Variants in PLRG1 observed in about 807,000 individuals in gnomAD.
The protein encoded by PLRG1 is pleiotropic regulator 1 (PRL1 homolog, Arabidopsis).
In PLRG1, 28 loss-of-function variants were observed where a neutral mutation model predicts 74.9. The observed-to-expected ratio is 0.37, with a 90% confidence interval of 0.28 to 0.51. The LOEUF (loss-of-function observed/expected upper bound fraction) is 0.51, where lower values mean the gene tolerates loss of function less well. Among genes scored for constraint, PLRG1 ranks in the 20% least tolerant of loss-of-function variants. The pLI, the probability that PLRG1 is intolerant of heterozygous loss-of-function variation, is 0.91. For missense variants in PLRG1, 445 were observed against 631.9 expected (o/e 0.70, Z 3.17); for synonymous variants, 197 against 212.4 (o/e 0.93, Z 0.63).
In PLRG1 at chr4:154,536,481, A is replaced by G. The variant is rs1289025504; in HGVS notation, c.*204T>C. On this transcript the variant is annotated 3_prime_UTR_variant, in exon 15 of 15. Transcript: ENST00000499023. ...GATATCTGCATCTTCCTAGTATCAC[A>G]AATTGTTTTAGAAATAAAAACACAG... is the stretch of plus-strand genomic sequence containing the variant. 1.9e-6 allele frequency: 1 copy of G among 520,228 alleles called. No individual in the cohort carries two copies. Among genetic ancestry groups the G allele is most frequent in the Non-Finnish European group, 3.4e-6 (1 of 297,006 alleles). 32.2% of individuals were successfully genotyped at this position (520,228 alleles called of 1,614,324 possible).
chr4:154,542,520 C>CT (rs1481393353), intron 7 of PLRG1, among the ~76,000 whole-genome samples: 1 of 152,288 alleles, frequency 6.6e-6, no homozygotes, highest in East Asian at 1.9e-4. Context: ...CTTGCAACAA[C>CT]TTCAATGACT....
intron 12 of PLRG1, 86 bp from the exon 13 acceptor site, chr4:154,538,194 T>G: frequency 1.6e-6 from 1 of 618,292 alleles, no homozygotes; most frequent in Non-Finnish European, 2.7e-6. Flanking sequence ...TCAGTTATAT[T>G]TTGCAGTGTG....
chr4:154,549,997 C>T (rs28501308), intron 1 of PLRG1, among the ~76,000 whole-genome samples: 2,891 of 152,286 alleles, frequency 0.019, 92 homozygotes, highest in African/African-American at 0.066. Context: ...GCGGCAAGTA[C>T]CAGTGGTCGA....
chr4:154,547,624 G>T, intron 3 of PLRG1, 87 bp downstream of exon 3: 2 of 1,245,526 alleles, frequency 1.6e-6, no homozygotes, highest in Non-Finnish European at 2.3e-6. Context: ...AATAAGTCCT[G>T]CCAGGAGGGG....
intron 6 of PLRG1, among the ~76,000 whole-genome samples, chr4:154,544,867 G>A (rs1003912706): frequency 6.6e-6 from 1 of 152,036 alleles, no homozygotes; most frequent in Non-Finnish European, 1.5e-5. Flanking sequence ...TATTTCATAG[G>A]GTTACTACAA....
chr4:154,538,197 G>A, intron 12 of PLRG1, 89 bp from the exon 13 acceptor site: 1 of 595,164 alleles, frequency 1.7e-6, no homozygotes, highest in Non-Finnish European at 2.8e-6. Context: ...GTTATATTTT[G>A]CAGTGTGTAC....
chr4:154,540,381 G>C, intron 10 of PLRG1: 1 of 587,212 alleles, frequency 1.7e-6, no homozygotes, highest in Admixed American at 3.2e-5. Context: ...CATTTCAGGG[G>C]CAGGGCACTA....
At position 154,536,578 on chromosome 4, in the gene PLRG1, T is replaced by C; in HGVS notation, c.*107A>G. 1 of 668,760 alleles carries C rather than the reference T, an allele frequency of 1.5e-6. No homozygotes were observed. The highest frequency in any genetic ancestry group is 2.6e-6 in the Non-Finnish European group (1 of 377,536). 41.4% of individuals were successfully genotyped at this position (668,760 alleles called of 1,614,324 possible). ...GATTGAAGCAAGTGAATTTCTCCTT[T>C]ATATTCCCAGCCAGAGCACAAAATG... On this transcript the variant is annotated 3_prime_UTR_variant, in exon 15 of 15. Coordinates refer to ENST00000499023, the MANE Select transcript of PLRG1 (RefSeq NM_002669.4).
At chr4:154,543,889 T>C (rs1020252783) in intron 7 of PLRG1, 2 of 152,266 alleles carry the variant, frequency 1.3e-5, no homozygotes, top group East Asian at 1.9e-4. Context: ...AATGTATTTA[T>C]GGAGTACATG....
chr4:154,548,218 T>C (rs1578772391), intron 2 of PLRG1, among the ~76,000 whole-genome samples: 1 of 152,308 alleles, frequency 6.6e-6, no homozygotes, highest in Admixed American at 6.5e-5. Flanking sequence ...TAGCAACCTT[T>C]ACTAGATGTA....
intron 6 of PLRG1, among the ~76,000 whole-genome samples, chr4:154,545,094 T>A (rs1268578296): frequency 6.6e-6 from 1 of 152,196 alleles, no homozygotes; most frequent in East Asian, 1.9e-4. Flanking sequence ...AGTCATCTAG[T>A]CATCCAAAAC....
Position 154,536,462 on chromosome 4 carries a change from T to C in PLRG1, c.*223A>G, listed in dbSNP as rs1301730042. 1.1e-5 allele frequency: 5 copies of C among 460,608 alleles called. No individual in the cohort carries two copies. The highest frequency in any genetic ancestry group is 4.1e-5 in the African/African-American group (2 of 49,320). 28.5% of individuals were successfully genotyped at this position (460,608 alleles called of 1,614,324 possible). The stretch of plus-strand genomic sequence containing the variant: ...AATAAACCTGCATTTACTTGATATC[T>C]GCATCTTCCTAGTATCACAAATTGT... On this transcript the variant is annotated 3_prime_UTR_variant, in exon 15 of 15. Coordinates refer to ENST00000499023, the MANE Select transcript of PLRG1 (RefSeq NM_002669.4).
chr4:154,549,160 TACTC>T (rs35094378), intron 1 of PLRG1: 7,607 of 522,778 alleles, frequency 0.015, 459 homozygotes, highest in African/African-American at 0.13. Context: ...GAGTTTAACT[TACTC>T]AATAAATATT....
In PLRG1 at chr4:154,535,874, A is replaced by G. The variant is rs1201812540; in HGVS notation, c.*811T>C. 1.2e-5 allele frequency: 1 copy of G among 82,870 alleles called. No homozygotes were observed. Among genetic ancestry groups the G allele is most frequent in the Non-Finnish European group, 2.5e-5 (1 of 40,798 alleles). 5.1% of individuals were successfully genotyped at this position (82,870 alleles called of 1,614,324 possible). On this transcript the variant is annotated 3_prime_UTR_variant, in exon 15 of 15. Coordinates refer to ENST00000499023, the MANE Select transcript of PLRG1 (RefSeq NM_002669.4). Reference sequence around the variant, plus strand: ...ATCCATACTTATATGAGCTTTCCCCAGAACAAGCCAGCTTTAGTCCCATTA... The same window carrying G: ...ATCCATACTTATATGAGCTTTCCCCGGAACAAGCCAGCTTTAGTCCCATTA...
intron 4 of PLRG1, 54 bp from the exon 5 acceptor site, chr4:154,546,267 T>C (rs1268735678): frequency 1.1e-6 from 1 of 895,638 alleles, no homozygotes; most frequent in Non-Finnish European, 1.9e-6. Flanking sequence ...TTCATTTACA[T>C]GCACTTAAAA....
chr4:154,546,956 G>C, intron 4 of PLRG1, 55 bp downstream of exon 4: 1 of 1,279,318 alleles, frequency 7.8e-7, no homozygotes, highest in Non-Finnish European at 1.1e-6. Flanking sequence ...TGGCTCGTTA[G>C]TGAAAATATA....
chr4:154,547,922 G>T, intron 2 of PLRG1, 69 bp from the exon 3 acceptor site: 4 of 1,178,136 alleles, frequency 3.4e-6, no homozygotes, highest in Non-Finnish European at 4.8e-6. Context: ...GCTTAAGTTT[G>T]CCCATTCACG....
At chr4:154,538,177 G>T in intron 12 of PLRG1, 69 bp from the exon 13 acceptor site, 3 of 738,766 alleles carry the variant, frequency 4.1e-6, no homozygotes, top group Non-Finnish European at 6.3e-6. Flanking sequence ...GTTTTAAAAA[G>T]TTTATTTCAG....
intron 12 of PLRG1, 112 bp downstream of exon 12, chr4:154,538,993 A>C (rs1729506491): frequency 2.8e-6 from 2 of 719,560 alleles, no homozygotes; most frequent in East Asian, 2.5e-5. Flanking sequence ...GCACAGGCCT[A>C]GAAATGACAG....
Sources: gnomAD v4.1 joint callset for allele counts (sites outside exome capture counted in the v4.1 genomes callset) on GRCh38, gnomAD v4.1.1 for gene constraint, MANE v1.5 for transcripts, NCBI Gene and HGNC (gene_info 2026-07-23, HGNC 2026-07-21) for gene names.